The following NFKB1 variants were observed in gnomAD, a reference collection of about 807,000 sequenced individuals.
NFKB1 encodes nuclear factor NF-kappa-B p105 subunit.
NFKB1 carries 9 observed loss-of-function variants against 105.1 expected under a neutral mutation model. The observed-to-expected ratio is 0.09, with a 90% confidence interval of 0.05 to 0.15. NFKB1 has a LOEUF of 0.15. NFKB1 is among the 10% of genes least tolerant of loss of function. The probability of loss-of-function intolerance (pLI) is 1.00; values close to 1 mark genes in which losing one functional copy is unlikely to be tolerated. For synonymous variants in NFKB1, 440 were observed against 442.2 expected (o/e 1.00, Z 0.06); for missense variants, 830 against 1,203.7 (o/e 0.69, Z 4.59).
chr4:102,610,477 C>T (rs1728293595), intron 19 of NFKB1, 98 bp from the exon 20 acceptor site: 1 of 1,294,114 alleles, frequency 7.7e-7, no homozygotes, highest in Middle Eastern at 1.9e-4. Context: ...TTGCCTCAAG[C>T]TGCTACATTG....
intron 1 of NFKB1, among the ~76,000 whole-genome samples, chr4:102,520,347 A>G (rs537840879): frequency 2.6e-5 from 4 of 152,222 alleles, no homozygotes; most frequent in East Asian, 1.9e-4. Context: ...TTATTATGCC[A>G]TCTAATAAAA....
At chr4:102,513,024 T>C (rs1170944508) in intron 1 of NFKB1, among the ~76,000 whole-genome samples, 2 of 152,240 alleles carry the variant, frequency 1.3e-5, no homozygotes, top group Non-Finnish European at 1.5e-5. Flanking sequence ...TCTTCCTCAG[T>C]CTGAAAATAT....
At chr4:102,570,397 T>A (rs1379504449) in intron 6 of NFKB1, among the ~76,000 whole-genome samples, 1 of 152,200 alleles carries the variant, frequency 6.6e-6, no homozygotes, top group Non-Finnish European at 1.5e-5. Context: ...ATCTTATTCT[T>A]TTTTATGGCT....
At chr4:102,577,345 T>C (rs1466512395) in intron 7 of NFKB1, among the ~76,000 whole-genome samples, 1 of 152,214 alleles carries the variant, frequency 6.6e-6, no homozygotes, top group Non-Finnish European at 1.5e-5. Context: ...TACCTTTGTA[T>C]GTGTCTTCCT....
In NFKB1 at chr4:102,515,400, G is replaced by A. The variant is rs188115000; in HGVS notation, c.-7-10112G>A. 5.4e-3 allele frequency among the ~76,000 whole-genome samples: 822 copies of A among 152,144 alleles called. 5 individuals are homozygous for A. The highest frequency in any genetic ancestry group is 8.8e-3 in the Non-Finnish European group (595 of 67,970). On this transcript the variant is annotated intron_variant, in intron 1 of 23. Coordinates refer to ENST00000226574, the MANE Select transcript of NFKB1 (RefSeq NM_003998.4). ...GCTGGGATTACAGGCGTGAGCCACC[G>A]CGCCCGGCCCCATGTAATATTATTA...
chr4:102,582,452 C>T (rs192049727), intron 9 of NFKB1, among the ~76,000 whole-genome samples: 44 of 152,250 alleles, frequency 2.9e-4, no homozygotes, highest in Non-Finnish European at 1.8e-4. Flanking sequence ...CTTAGAATAG[C>T]ATCTGCCATA....
chr4:102,536,225 A>G (rs957031102), intron 4 of NFKB1, among the ~76,000 whole-genome samples: 1 of 152,150 alleles, frequency 6.6e-6, no homozygotes, highest in Non-Finnish European at 1.5e-5. Context: ...TAGGGCTGAA[A>G]TTGTAAATTA....
intron 1 of NFKB1, among the ~76,000 whole-genome samples, chr4:102,523,244 T>C (rs1260731354): frequency 6.6e-6 from 1 of 152,218 alleles, no homozygotes; most frequent in African/African-American, 2.4e-5. Context: ...TTTTAACTGC[T>C]TGTCTTAATT....
At chr4:102,586,907 T>C (rs1725753420) in intron 11 of NFKB1, among the ~76,000 whole-genome samples, 1 of 152,226 alleles carries the variant, frequency 6.6e-6, no homozygotes, top group South Asian at 2.1e-4. Context: ...AGGGCTTTCC[T>C]TTCCTAGAAT....
At chr4:102,590,215 A>C (rs1268408842) in intron 11 of NFKB1, among the ~76,000 whole-genome samples, 1 of 152,130 alleles carries the variant, frequency 6.6e-6, no homozygotes, top group Non-Finnish European at 1.5e-5. Context: ...AGTATGTCCC[A>C]CACACACGTA....
At chr4:102,601,858 C>T (rs767606272) in intron 16 of NFKB1, among the ~76,000 whole-genome samples, 8 of 152,174 alleles carry the variant, frequency 5.3e-5, no homozygotes, top group Non-Finnish European at 8.8e-5. Flanking sequence ...CCCCTGATTG[C>T]TTTTCCCACC....
intron 19 of NFKB1, among the ~76,000 whole-genome samples, chr4:102,609,649 ATAGC>A (rs1039965182): frequency 3.1e-4 from 47 of 150,424 alleles, no homozygotes; most frequent in African/African-American, 1.1e-3. Context: ...CAGTTAAGAG[ATAGC>A]TCATCCCTCC....
At chr4:102,551,753 G>T (rs1349386853) in intron 5 of NFKB1, among the ~76,000 whole-genome samples, 1 of 152,112 alleles carries the variant, frequency 6.6e-6, no homozygotes, top group Non-Finnish European at 1.5e-5. Context: ...TTTTATCATT[G>T]TCCTGAATAC....
At chr4:102,514,517 G>A (rs1299231243) in intron 1 of NFKB1, among the ~76,000 whole-genome samples, 1 of 152,168 alleles carries the variant, frequency 6.6e-6, no homozygotes, top group African/African-American at 2.4e-5. Context: ...GATACCAAAT[G>A]CTGGTGCCTT....
Position 102,606,598 on chromosome 4 carries a change from G to T in NFKB1, c.1855G>T (p.Val619Phe). ...LSLLDRLGNS[V>F]LHLAAKEGHD... ...CCTTCTGGACCGCTTGGGTAACTCT[G>T]TTTTGCACCTAGCTGCCAAAGAAGG... The change falls in exon 17 of 24, where the codon GTT (valine) becomes TTT (phenylalanine). Residue 619 changes from valine (V) to phenylalanine (F), a missense_variant. Coordinates refer to ENST00000226574, the MANE Select transcript of NFKB1 (RefSeq NM_003998.4). The T allele has an allele frequency of 6.2e-7, 1 of 1,614,130 alleles. No homozygotes were observed. The highest frequency in any genetic ancestry group is 8.5e-7 in the Non-Finnish European group (1 of 1,180,034).
intron 5 of NFKB1, among the ~76,000 whole-genome samples, chr4:102,543,888 A>G (rs1331827082): frequency 1.3e-5 from 2 of 152,186 alleles, no homozygotes; most frequent in Non-Finnish European, 2.9e-5. Flanking sequence ...AACCTAGTTC[A>G]TATCATTTAT....
At chr4:102,574,577 G>T (rs1426669005) in intron 6 of NFKB1, among the ~76,000 whole-genome samples, 2 of 152,066 alleles carry the variant, frequency 1.3e-5, no homozygotes, top group Admixed American at 6.5e-5. Context: ...CTCAGAGATT[G>T]CCAGGCTCTG....
At chr4:102,575,162 C>T (rs1724714616) in intron 6 of NFKB1, among the ~76,000 whole-genome samples, 1 of 152,168 alleles carries the variant, frequency 6.6e-6, no homozygotes, top group Non-Finnish European at 1.5e-5. Flanking sequence ...TTATTAAACA[C>T]TCATATGTCA....
At chr4:102,612,885 T>C (rs1050463671) in intron 22 of NFKB1, among the ~76,000 whole-genome samples, 6 of 152,164 alleles carry the variant, frequency 3.9e-5, no homozygotes, top group Non-Finnish European at 7.3e-5. Context: ...TTAACGGCCC[T>C]GAGCAAACAA....
Sources: allele counts gnomAD v4.1 joint callset (sites outside exome capture counted in the v4.1 genomes callset), GRCh38; gene constraint gnomAD v4.1.1; transcripts MANE v1.5; gene names NCBI Gene and HGNC (gene_info 2026-07-23, HGNC 2026-07-21).